UBE2R2: variants seen among roughly 807,000 people sequenced by gnomAD.
UBE2R2 encodes ubiquitin conjugating enzyme E2 R2, also known as ubiquitin-conjugating enzyme E2 R2.
In UBE2R2, 1 loss-of-function variant was observed where a neutral mutation model predicts 27.8. That is an observed-to-expected ratio of 0.04 (90% CI 0.01 to 0.17). The LOEUF (loss-of-function observed/expected upper bound fraction) is 0.17. Among genes scored for constraint, UBE2R2 ranks in the 10% least tolerant of loss-of-function variants. UBE2R2 has a pLI of 1.00. For synonymous variants in UBE2R2, 106 were observed against 113.3 expected (o/e 0.94, Z 0.41); for missense variants, 100 against 291.0 (o/e 0.34, Z 4.78).
chr9:33,870,214 C>T (rs6476425), intron 1 of UBE2R2, among the ~76,000 whole-genome samples: 29,901 of 151,860 alleles, frequency 0.2, 3,210 homozygotes, highest in South Asian at 0.33. Flanking sequence ...ACACTCTCGG[C>T]TCATTGCCAC....
intron 3 of UBE2R2, among the ~76,000 whole-genome samples, chr9:33,907,030 G>A (rs1456013913): frequency 6.6e-6 from 1 of 152,200 alleles, no homozygotes; most frequent in African/African-American, 2.4e-5. Context: ...ACCCAAGTTT[G>A]CTTTGTCTTT....
chr9:33,867,341 T>C (rs1247924051), intron 1 of UBE2R2, among the ~76,000 whole-genome samples: 1 of 152,222 alleles, frequency 6.6e-6, no homozygotes, highest in Non-Finnish European at 1.5e-5. Context: ...CATTCTCCTA[T>C]TGAGGGTCAT....
At chr9:33,882,722 T>TG (rs1363250406) in intron 1 of UBE2R2, among the ~76,000 whole-genome samples, 6 of 152,220 alleles carry the variant, frequency 3.9e-5, no homozygotes, top group African/African-American at 1.4e-4. Flanking sequence ...TATAGTTTAG[T>TG]GGTTTCTAGC....
chr9:33,852,352 C>T lies in UBE2R2; in HGVS notation c.177+34418C>T, dbSNP rs143893505. Among the ~76,000 whole-genome samples, 416 of 152,230 alleles carry T rather than the reference C, an allele frequency of 2.7e-3. 1 individual carries two copies. Among genetic ancestry groups the T allele is most frequent in the East Asian group, 0.01 (54 of 5,176 alleles). ...ACACTAGTGTTATTTCTAGCTGGCC[C>T]GGAGTTACAGGAATCCAGCTGCATG... On this transcript the variant is annotated intron_variant, in intron 1 of 4. Transcript: ENST00000263228.
Position 33,919,622 on chromosome 9 carries a change from G to A in UBE2R2, c.*2385G>A, listed in dbSNP as rs1016495963. On this transcript the variant is annotated 3_prime_UTR_variant, in exon 5 of 5. Coordinates refer to ENST00000263228, the MANE Select transcript of UBE2R2 (RefSeq NM_017811.4). ...AGACTGGGTAAGTCTCTTGCTAGCA[G>A]GTGGACATTCTGGTATTTTAGACTG... is the stretch of plus-strand genomic sequence containing the variant. 1 of 152,214 alleles carries A rather than the reference G, an allele frequency of 6.6e-6. No individual in the cohort carries two copies. The highest frequency in any genetic ancestry group is 1.5e-5 in the Non-Finnish European group (1 of 68,046). The allele number at this position is 152,214 out of a possible 1,614,324, so 9.4% of individuals were successfully genotyped here.
intron 1 of UBE2R2, among the ~76,000 whole-genome samples, chr9:33,861,475 C>T (rs1436216628): frequency 6.6e-6 from 1 of 151,908 alleles, no homozygotes; most frequent in Non-Finnish European, 1.5e-5. Context: ...ACTTATGAGG[C>T]TGAGGCACAC....
intron 2 of UBE2R2, among the ~76,000 whole-genome samples, chr9:33,889,499 C>T (rs1353938047): frequency 6.6e-6 from 1 of 152,114 alleles, no homozygotes; most frequent in Non-Finnish European, 1.5e-5. Flanking sequence ...CCACCGCACC[C>T]GGCCCTCTCT....
At chr9:33,877,133 T>C (rs549248211) in intron 1 of UBE2R2, among the ~76,000 whole-genome samples, 6 of 151,720 alleles carry the variant, frequency 4.0e-5, no homozygotes, top group African/African-American at 1.4e-4. Flanking sequence ...AAAAAACTAC[T>C]TCTAGAATAA....
chr9:33,843,042 C>CTTTTTTTTTT (rs71506139), intron 1 of UBE2R2, among the ~76,000 whole-genome samples: 1 of 105,314 alleles, frequency 9.5e-6, no homozygotes, highest in African/African-American at 4.0e-5. Flanking sequence ...AAACAGACCA[C>CTTTTTTTTTT]TTTTTTTTTT....
At chr9:33,908,114 C>T (rs563071121) in intron 3 of UBE2R2, among the ~76,000 whole-genome samples, 3 of 152,256 alleles carry the variant, frequency 2.0e-5, no homozygotes, top group East Asian at 1.9e-4. Flanking sequence ...TGTGAGCCAC[C>T]GCACCCCGCC....
At chr9:33,879,548 G>A (rs1409687402) in intron 1 of UBE2R2, among the ~76,000 whole-genome samples, 1 of 150,642 alleles carries the variant, frequency 6.6e-6, no homozygotes, top group Non-Finnish European at 1.5e-5. Flanking sequence ...CGACCTCCTG[G>A]GCTCAGGTGA....
chr9:33,844,923 C>T lies in UBE2R2; in HGVS notation c.177+26989C>T, dbSNP rs139199679. Among the ~76,000 whole-genome samples, 297 of 151,950 alleles carry T rather than the reference C, an allele frequency of 2.0e-3. 2 individuals carry two copies. The highest frequency in any genetic ancestry group is 6.7e-3 in the African/African-American group (276 of 41,444). ...CTGGGATTACAGGCGTGTGCCACCA[C>T]GCCTGGATAATTTTTTTGTATTGTT... On this transcript the variant is annotated intron_variant, in intron 1 of 4. Transcript: ENST00000263228.
intron 4 of UBE2R2, among the ~76,000 whole-genome samples, chr9:33,912,494 C>T (rs961584715): frequency 1.3e-5 from 2 of 151,854 alleles, no homozygotes; most frequent in African/African-American, 4.8e-5. Flanking sequence ...TGTGGTGGTG[C>T]ACACCTGTCA....
intron 1 of UBE2R2, among the ~76,000 whole-genome samples, chr9:33,823,023 G>A (rs1173149920): frequency 1.3e-5 from 2 of 150,894 alleles, no homozygotes; most frequent in South Asian, 2.1e-4. Flanking sequence ...TCGTGCCTCA[G>A]CCTCCCAAGT....
chr9:33,861,847 CTTTT>C (rs775634986), intron 1 of UBE2R2, among the ~76,000 whole-genome samples: 1 of 95,448 alleles, frequency 1.0e-5, no homozygotes, highest in Admixed American at 1.1e-4. Flanking sequence ...GATCCACTTT[CTTTT>C]TTTTTTTTTT....
chr9:33,914,006 T>C (rs1313267397), intron 4 of UBE2R2, among the ~76,000 whole-genome samples: 1 of 152,224 alleles, frequency 6.6e-6, no homozygotes, highest in Non-Finnish European at 1.5e-5. Context: ...GGTATACATA[T>C]TCCCAAGGTA....
At chr9:33,915,141 AAAAATC>A (rs1029350941) in intron 4 of UBE2R2, among the ~76,000 whole-genome samples, 1 of 152,082 alleles carries the variant, frequency 6.6e-6, no homozygotes, top group Non-Finnish European at 1.5e-5. Flanking sequence ...AAAAAAAAAA[AAAAATC>A]AAATAGTTGG....
intron 2 of UBE2R2, among the ~76,000 whole-genome samples, chr9:33,898,750 G>A (rs1822180543): frequency 6.6e-6 from 1 of 152,146 alleles, no homozygotes; most frequent in Admixed American, 6.5e-5. Context: ...AGGTAACATA[G>A]TGAGACTCCC....
chr9:33,843,111 G>C (rs1169696779), intron 1 of UBE2R2, among the ~76,000 whole-genome samples: 3 of 141,922 alleles, frequency 2.1e-5, no homozygotes, highest in Non-Finnish European at 4.5e-5. Context: ...GCAGTGGCAC[G>C]ATCTTGGCTC....
Sources: allele counts gnomAD v4.1 joint callset (sites outside exome capture counted in the v4.1 genomes callset), GRCh38; gene constraint gnomAD v4.1.1; transcripts MANE v1.5; gene names NCBI Gene and HGNC (gene_info 2026-07-23, HGNC 2026-07-21).